MGME1: variants seen among roughly 807,000 people sequenced by gnomAD.
The protein encoded by MGME1 is chromosome 20 open reading frame 72.
A neutral mutation model predicts 33.0 loss-of-function variants in MGME1; 22 were observed. The ratio of observed to expected loss-of-function variants is 0.67; its 90% CI spans 0.48 to 0.95. The LOEUF is 0.95. MGME1 is among the 40% of genes least tolerant of loss of function. The pLI is 0.00. For missense variants in MGME1, 383 were observed against 397.8 expected (o/e 0.96, Z 0.32); for synonymous variants, 133 against 144.0 (o/e 0.92, Z 0.55).
intron 2 of MGME1, among the ~76,000 whole-genome samples, chr20:17,970,970 A>C (rs2035713093): frequency 1.3e-5 from 2 of 152,246 alleles, no homozygotes; most frequent in Admixed American, 6.5e-5. Flanking sequence ...TCCATTCAAA[A>C]ACAAAGACCA....
upstream of MGME1, chr20:17,968,756 G>C (rs903730066): frequency 2.7e-6 from 1 of 368,672 alleles, no homozygotes; most frequent in African/African-American, 2.2e-5. Flanking sequence ...CGGACGGGAA[G>C]CAACGGACAC....
chr20:17,988,188 T>C lies in MGME1; in HGVS notation c.754T>C (p.Trp252Arg). ...TAGGGGCAAGCTCTGTGTGATTGAT[T>C]GGAAGACATCAGAGAAACCAAAGCC... ...EYQGKLCVID[W>R]KTSEKPKPFI... Residue 252 changes from tryptophan to arginine, a missense_variant, in exon 4 of 5, where the codon TGG becomes CGG. Coordinates refer to ENST00000377710, the MANE Select transcript of MGME1 (RefSeq NM_052865.4). 2.5e-6 allele frequency: 4 copies of C among 1,614,014 alleles called. No homozygotes were observed. Among genetic ancestry groups the C allele is most frequent in the Non-Finnish European group, 3.4e-6 (4 of 1,179,952 alleles).
Position 17,969,827 on chromosome 20 carries a change from G to A in MGME1, c.-33G>A, listed in dbSNP as rs761933501. On this transcript the variant is annotated 5_prime_UTR_variant, in exon 2 of 5. Transcript: ENST00000377710. ...AATACAAACATAAAGGCCTTCGACC[G>A]TTGCAAATAGACTAAAGTGAAAACA... 6 of 1,568,280 alleles carry A rather than the reference G, an allele frequency of 3.8e-6. No individual in the cohort carries two copies. The highest frequency in any genetic ancestry group is 5.2e-6 in the Non-Finnish European group (6 of 1,161,684).
Position 17,983,408 on chromosome 20 carries a change from CT to C in MGME1, c.732-4756del, listed in dbSNP as rs549734834. On this transcript the variant is annotated intron_variant, in intron 3 of 4. Transcript: ENST00000377710. Reference sequence around the variant, plus strand: ...AGTGAACCTGGGATTGCAGGTGTCTCTTCAACATACTGATTTTAATTCGTTT... The same window carrying C: ...AGTGAACCTGGGATTGCAGGTGTCTCTCAACATACTGATTTTAATTCGTTT... Among the ~76,000 whole-genome samples, 8 of 152,152 alleles carry C rather than the reference CT, an allele frequency of 5.3e-5. No homozygotes were observed. In the South Asian group the frequency reaches 1.7e-3, roughly 32 times the overall value.
intron 2 of MGME1, among the ~76,000 whole-genome samples, chr20:17,974,832 C>G (rs563404200): frequency 1.1e-3 from 165 of 152,086 alleles, no homozygotes; most frequent in Non-Finnish European, 2.2e-3. Flanking sequence ...ATATTTTCCT[C>G]TTCCTCCCCC....
At chr20:17,971,507 T>C (rs2035727931) in intron 2 of MGME1, among the ~76,000 whole-genome samples, 1 of 152,234 alleles carries the variant, frequency 6.6e-6, no homozygotes, top group African/African-American at 2.4e-5. Context: ...AGAAGTTATT[T>C]TCCTTAAACC....
intron 3 of MGME1, among the ~76,000 whole-genome samples, chr20:17,982,541 C>T (rs1478171925): frequency 6.6e-6 from 1 of 152,214 alleles, no homozygotes; most frequent in Admixed American, 6.5e-5. Flanking sequence ...CTCAGGATAT[C>T]AAGCCATTGC....
intron 3 of MGME1, among the ~76,000 whole-genome samples, chr20:17,982,312 G>A (rs1227287983): frequency 6.6e-6 from 1 of 151,720 alleles, no homozygotes; most frequent in Non-Finnish European, 1.5e-5. Flanking sequence ...TGGAGACAGG[G>A]TTTCACCATG....
At chr20:17,981,646 C>G (rs949024389) in intron 3 of MGME1, among the ~76,000 whole-genome samples, 4 of 120,226 alleles carry the variant, frequency 3.3e-5, no homozygotes, top group African/African-American at 1.5e-4. Flanking sequence ...CAATCTACTA[C>G]TCGTGTGTGT....
Position 17,990,630 on chromosome 20 carries a change from C to T in MGME1, c.*521C>T, listed in dbSNP as rs3748494. The T allele has an allele frequency of 0.81, 124,468 of 154,608 alleles. 50,788 individuals are homozygous for T. Among genetic ancestry groups the T allele is most frequent in the East Asian group, 0.97 (5,099 of 5,256 alleles). 9.6% of individuals were successfully genotyped at this position (154,608 alleles called of 1,614,324 possible). On this transcript the variant is annotated 3_prime_UTR_variant, in exon 5 of 5. Transcript: ENST00000377710. ...CATTGGGGTTTTCTATATATTTCAGCTGGGAAAAGCTTACATTTAACCTTT... is the reference window on the plus strand; with the variant it reads ...CATTGGGGTTTTCTATATATTTCAGTTGGGAAAAGCTTACATTTAACCTTT...
chr20:17,979,930 C>A (rs773250165), intron 3 of MGME1, among the ~76,000 whole-genome samples: 1 of 152,040 alleles, frequency 6.6e-6, no homozygotes, highest in Admixed American at 6.6e-5. Flanking sequence ...TGGGGTCTCA[C>A]CATTTTGCTC....
In MGME1 at chr20:17,987,342, T is replaced by C. The variant is rs150724684; in HGVS notation, c.732-824T>C. On this transcript the variant is annotated intron_variant, in intron 3 of 4. Transcript: ENST00000377710. ...TAGAGTAGCCACTAACCCCTATAGC[T>C]ATTGAGCATTTGAATGTGGTCAGGC... Among the ~76,000 whole-genome samples the C allele has an allele frequency of 2.7e-3, 411 of 152,294 alleles. 1 individual carries two copies. Among genetic ancestry groups the C allele is most frequent in the African/African-American group, 9.4e-3 (391 of 41,556 alleles).
chr20:17,981,886 A>G (rs1249113400), intron 3 of MGME1, among the ~76,000 whole-genome samples: 2 of 146,278 alleles, frequency 1.4e-5, no homozygotes, highest in Admixed American at 1.4e-4. Context: ...CTCCTGACCT[A>G]AGGTGATCCA....
At chr20:17,973,298 C>A (rs2035775788) in intron 2 of MGME1, among the ~76,000 whole-genome samples, 1 of 151,446 alleles carries the variant, frequency 6.6e-6, no homozygotes, top group Non-Finnish European at 1.5e-5. Flanking sequence ...GAGCCGAGAT[C>A]ATACCACTGC....
At position 17,990,173 on chromosome 20, in the gene MGME1, T is replaced by G; in HGVS notation, c.*64T>G. The G allele has an allele frequency of 7.0e-7, 1 of 1,427,334 alleles. No individual in the cohort carries two copies. Among genetic ancestry groups the G allele is most frequent in the Non-Finnish European group, 9.9e-7 (1 of 1,012,602 alleles). 88.4% of individuals were successfully genotyped at this position (1,427,334 alleles called of 1,614,324 possible). ...ACAGTTTGGGAACATATATTGCTGT[T>G]TACTCCAGTGTAAAAATGAGGTGCC... On this transcript the variant is annotated 3_prime_UTR_variant, in exon 5 of 5. Transcript: ENST00000377710.
At chr20:17,976,588 C>G (rs777063381) in intron 3 of MGME1, among the ~76,000 whole-genome samples, 1 of 152,222 alleles carries the variant, frequency 6.6e-6, no homozygotes, top group Non-Finnish European at 1.5e-5. Context: ...CTCTTCCTGG[C>G]TTCCAGGCAG....
At chr20:17,987,266 A>G (rs1488015862) in intron 3 of MGME1, among the ~76,000 whole-genome samples, 1 of 152,110 alleles carries the variant, frequency 6.6e-6, no homozygotes, top group African/African-American at 2.4e-5. Context: ...TGGCAATATT[A>G]CAAAACAATT....
At chr20:17,982,038 T>C (rs1454316912) in intron 3 of MGME1, among the ~76,000 whole-genome samples, 2 of 152,260 alleles carry the variant, frequency 1.3e-5, no homozygotes, top group Admixed American at 6.5e-5. Context: ...AGATTATTTC[T>C]AGTTTTCCAC....
intron 2 of MGME1, among the ~76,000 whole-genome samples, chr20:17,971,589 A>G (rs2035730207): frequency 6.6e-6 from 1 of 152,164 alleles, no homozygotes; most frequent in African/African-American, 2.4e-5. Flanking sequence ...AACACATGGG[A>G]CCCCAGGGCC....
Sources: gnomAD v4.1 joint callset for allele counts (sites outside exome capture counted in the v4.1 genomes callset) on GRCh38, gnomAD v4.1.1 for gene constraint, MANE v1.5 for transcripts, NCBI Gene and HGNC (gene_info 2026-07-23, HGNC 2026-07-21) for gene names.